Variants in F8 observed in about 807,000 individuals in gnomAD.
F8 encodes the protein coagulation factor VIII, also known as antihemophilic factor.
A neutral mutation model predicts 140.6 loss-of-function variants in F8; 12 were observed. That is an observed-to-expected ratio of 0.09 (90% CI 0.05 to 0.14). The LOEUF (loss-of-function observed/expected upper bound fraction) is 0.14, where lower values mean the gene tolerates loss of function less well. Ranked by LOEUF, F8 falls within the 10% of genes least tolerant of loss-of-function variation. The probability of loss-of-function intolerance (pLI) is 1.00; values close to 1 mark genes in which losing one functional copy is unlikely to be tolerated. For missense variants in F8, 1,354 were observed against 1,720.7 expected, an observed-to-expected ratio of 0.79 and a Z score of 3.77; for synonymous variants, 585 against 614.6, an observed-to-expected ratio of 0.95 and a Z score of 0.71.
chrX:154,987,943 A>G (rs1428241227), intron 4 of F8, among the ~76,000 whole-genome samples: 3 of 111,949 alleles, frequency 2.7e-5, no homozygotes, highest in Non-Finnish European at 5.6e-5. Context: ...ATTTTTGTTT[A>G]TGACATTTTG....
chrX:154,857,500 C>T (rs902879771), intron 25 of F8, among the ~76,000 whole-genome samples: 3 of 111,704 alleles, frequency 2.7e-5, no homozygotes, highest in Non-Finnish European at 3.8e-5. Flanking sequence ...GGTTTACAGA[C>T]GGTTCTGCAC....
intron 23 of F8, among the ~76,000 whole-genome samples, chrX:154,862,318 G>A (rs1184759396): frequency 1.8e-5 from 2 of 111,731 alleles, no homozygotes; most frequent in Non-Finnish European, 3.8e-5. Context: ...GAGCCACCAC[G>A]CCCGGCCAAT....
intron 25 of F8, among the ~76,000 whole-genome samples, chrX:154,840,940 A>C (rs782799178): frequency 3.6e-5 from 4 of 112,114 alleles, no homozygotes; most frequent in Non-Finnish European, 7.5e-5. Context: ...AAAACTCAAG[A>C]ACATTAATAC....
rs1471604151 is a variant in F8, at chrX:154,861,965, A to T, written c.6575-99T>A. 29 of 910,330 alleles carry T rather than the reference A, an allele frequency of 3.2e-5. No individual in the cohort carries two copies. The Middle Eastern group carries it at 8.1e-4, about 25-fold the overall frequency. 75.0% of individuals were successfully genotyped at this position (910,330 alleles called of 1,213,427 possible). ...ATATTCTAGGGCTACTGTCATCATA[A>T]TATCATTTCTCAGGTTTTAACTTTT... On this transcript the variant is annotated intron_variant, in intron 23 of 25. Coordinates refer to ENST00000360256, the MANE Select transcript of F8 (RefSeq NM_000132.4).
At position 154,935,275 on chromosome X, in the gene F8, G is replaced by A. The variant is rs148248789; in HGVS notation, c.2114-3599C>T. 4.8e-3 allele frequency among the ~76,000 whole-genome samples: 541 copies of A among 111,904 alleles called. 2 individuals carry two copies. Among genetic ancestry groups the A allele is most frequent in the African/African-American group, 0.017 (510 of 30,820 alleles). ...ACATATCACCATAATCTAATGAGAT[G>A]ACCACATCTGAAAAACCAAAGTCTA... On this transcript the variant is annotated intron_variant, in intron 13 of 25. Coordinates refer to ENST00000360256, the MANE Select transcript of F8 (RefSeq NM_000132.4).
At chrX:154,888,409 C>CTTTTTT (rs1569559435) in intron 22 of F8, among the ~76,000 whole-genome samples, 5 of 5,676 alleles carry the variant, frequency 8.8e-4, no homozygotes, top group African/African-American at 5.4e-3. Flanking sequence ...TTTTTTTTCC[C>CTTTTTT]CCCGAGATGG....
chrX:154,949,892 G>A (rs1036045066), intron 12 of F8, among the ~76,000 whole-genome samples: 6 of 110,149 alleles, frequency 5.4e-5, no homozygotes, highest in Admixed American at 9.6e-5. Flanking sequence ...TCAGTCTCCC[G>A]AGTAGCTGGG....
Position 154,930,073 on chromosome X carries a change from A to G in F8, c.3717T>C (p.Thr1239=). The G allele has an allele frequency of 8.3e-7, 1 of 1,211,467 alleles. No individual in the cohort carries two copies. The highest frequency in any genetic ancestry group is 1.1e-6 in the Non-Finnish European group (1 of 895,404). Residue 1239 remains threonine (T), a synonymous_variant, in exon 14 of 26, where the codon ACT becomes ACC. Coordinates refer to ENST00000360256, the MANE Select transcript of F8 (RefSeq NM_000132.4). Reference sequence around the variant, plus strand: ...AGAAAAGGTTCTTCATGAAATTCTTAGTGCCAGTCACTGTATGTATCTGAG... The same window carrying G: ...AGAAAAGGTTCTTCATGAAATTCTTGGTGCCAGTCACTGTATGTATCTGAG... ...VLPQIHTVTG[T]KNFMKNLFLL...
chrX:154,982,425 G>T (rs1557283784), intron 6 of F8, among the ~76,000 whole-genome samples: 1 of 92,975 alleles, frequency 1.1e-5, no homozygotes, highest in African/African-American at 4.1e-5. Flanking sequence ...TCCAGCCTGG[G>T]CGACAGCAAG....
At chrX:154,942,370 C>T (rs2073272658) in intron 13 of F8, among the ~76,000 whole-genome samples, 1 of 110,105 alleles carries the variant, frequency 9.1e-6, no homozygotes, top group Non-Finnish European at 1.9e-5. Context: ...AAACTACCAT[C>T]AGAGAATACT....
intron 22 of F8, among the ~76,000 whole-genome samples, chrX:154,876,346 C>A (rs1557274028): frequency 9.1e-6 from 1 of 110,481 alleles, no homozygotes; most frequent in Non-Finnish European, 1.9e-5. Flanking sequence ...GTCTCAATCT[C>A]CTGACCTTGT....
At chrX:154,981,461 T>C in intron 6 of F8, among the ~76,000 whole-genome samples, 1 of 107,982 alleles carries the variant, frequency 9.3e-6, no homozygotes, top group Admixed American at 1.0e-4. Flanking sequence ...TCCTCAACCT[T>C]TATCTAGTAG....
In F8 at chrX:154,836,817, T is replaced by C. The variant is rs2072478782; in HGVS notation, c.*780A>G. 1.8e-5 allele frequency: 2 copies of C among 112,261 alleles called. No homozygotes were observed. The highest frequency in any genetic ancestry group is 3.8e-5 in the Non-Finnish European group (2 of 53,285). The allele number at this position is 112,261 out of a possible 1,213,427, so 9.3% of individuals were successfully genotyped here. ...ATTGCATCCTCCTGACTTATTTTTTTATTGGTCAGAATTAAGACCAAATGG... is the reference window on the plus strand; with the variant it reads ...ATTGCATCCTCCTGACTTATTTTTTCATTGGTCAGAATTAAGACCAAATGG... On this transcript the variant is annotated 3_prime_UTR_variant, in exon 26 of 26. Transcript: ENST00000360256.
chrX:154,873,228 CTTT>C (rs1190861463), intron 22 of F8, among the ~76,000 whole-genome samples: 2 of 96,875 alleles, frequency 2.1e-5, no homozygotes, highest in Admixed American at 1.1e-4. Flanking sequence ...GCAAAGCAAT[CTTT>C]TTTTTTTTTT....
At chrX:154,871,261 C>T (rs2072771801) in intron 22 of F8, among the ~76,000 whole-genome samples, 1 of 111,927 alleles carries the variant, frequency 8.9e-6, no homozygotes, top group African/African-American at 3.2e-5. Context: ...ACAAGAAGGA[C>T]AAAGCTGGAG....
chrX:154,902,019 G>T, intron 19 of F8, 32 bp downstream of exon 19: 1 of 968,254 alleles, frequency 1.0e-6, no homozygotes, highest in Non-Finnish European at 1.5e-6. Context: ...AGGCTGAGTA[G>T]GTAGGGAACC....
chrX:154,928,120 G>C (rs1165459494), intron 14 of F8, among the ~76,000 whole-genome samples: 1 of 111,397 alleles, frequency 9.0e-6, no homozygotes, highest in Non-Finnish European at 1.9e-5. Flanking sequence ...ATAAATATTT[G>C]TGACTGACTG....
chrX:154,915,261 C>G (rs1478416494), intron 14 of F8, among the ~76,000 whole-genome samples: 2 of 111,975 alleles, frequency 1.8e-5, no homozygotes, highest in Non-Finnish European at 3.8e-5. Flanking sequence ...ATTATGGGAA[C>G]TACAATTCAA....
chrX:154,976,551 T>C, intron 6 of F8, among the ~76,000 whole-genome samples: 1 of 110,306 alleles, frequency 9.1e-6, no homozygotes, highest in East Asian at 2.8e-4. Context: ...ATTAGGTATA[T>C]CTCCTAATGC....
Sources: allele counts gnomAD v4.1 joint callset (sites outside exome capture counted in the v4.1 genomes callset), GRCh38; gene constraint gnomAD v4.1.1; transcripts MANE v1.5; gene names NCBI Gene and HGNC (gene_info 2026-07-23, HGNC 2026-07-21).